ALDH7A1: variants seen among roughly 807,000 people sequenced by gnomAD.
The protein encoded by ALDH7A1 is alpha-aminoadipic semialdehyde dehydrogenase.
Under a neutral mutation model 79.9 loss-of-function variants are expected in ALDH7A1, and 63 were observed. The observed-to-expected ratio is 0.79, with a 90% CI of 0.64 to 0.97. The LOEUF is 0.97. Ranked by LOEUF, ALDH7A1 falls within the 50% of genes least tolerant of loss-of-function variation. The probability of loss-of-function intolerance (pLI) is 0.00; values close to 1 mark genes in which losing one functional copy is unlikely to be tolerated. For missense variants in ALDH7A1, 627 were observed against 665.2 expected, an observed-to-expected ratio of 0.94 and a Z score of 0.63; for synonymous variants, 240 against 231.2, an observed-to-expected ratio of 1.04 and a Z score of -0.34.
At chr5:126,573,089 CA>C (rs1750831665) in intron 7 of ALDH7A1, among the ~76,000 whole-genome samples, 2 of 118,198 alleles carry the variant, frequency 1.7e-5, no homozygotes, top group Non-Finnish European at 3.3e-5. Context: ...CTTACATGAA[CA>C]TTTCAAATTC....
intron 7 of ALDH7A1, among the ~76,000 whole-genome samples, chr5:126,575,163 T>C (rs1750923398): frequency 6.6e-6 from 1 of 152,242 alleles, no homozygotes; most frequent in African/African-American, 2.4e-5. Context: ...AAGATGCTTT[T>C]ATTTTCCAAG....
intron 9 of ALDH7A1, among the ~76,000 whole-genome samples, chr5:126,565,634 A>G (rs1348968538): frequency 6.6e-6 from 1 of 152,098 alleles, no homozygotes; most frequent in Non-Finnish European, 1.5e-5. Flanking sequence ...TTGTCTTTTA[A>G]TTGTTGTTGC....
chr5:126,565,915 A>G (rs2112778610), intron 9 of ALDH7A1, among the ~76,000 whole-genome samples: 1 of 152,348 alleles, frequency 6.6e-6, no homozygotes, highest in South Asian at 2.1e-4. Context: ...TTATCTCTGG[A>G]CTTCCAATTC....
intron 9 of ALDH7A1, chr5:126,561,503 T>C (rs1561655771): frequency 1.3e-5 from 2 of 157,232 alleles, no homozygotes; most frequent in Non-Finnish European, 2.7e-5. Context: ...TGTGTGTGTG[T>C]GTGTGTGTGT....
In ALDH7A1 at chr5:126,583,844, A is replaced by T. The variant is rs970743324; in HGVS notation, c.393+88T>A. On this transcript the variant is annotated intron_variant, in intron 4 of 17. Coordinates refer to ENST00000409134, the MANE Select transcript of ALDH7A1 (RefSeq NM_001182.5). ...GACAGCAAGACTCCATCTCAAAAAA[A>T]AAAAACCTCACAATTTTATATATAG... The T allele has an allele frequency of 3.3e-6, 4 of 1,217,170 alleles. No homozygotes were observed. The African/African-American group carries it at 4.6e-5, about 14-fold the overall frequency. 75.4% of individuals were successfully genotyped at this position (1,217,170 alleles called of 1,614,324 possible). A position where few individuals can be genotyped will look rare whatever the true frequency, so the allele number is the denominator to read the frequency against.
intron 5 of ALDH7A1, among the ~76,000 whole-genome samples, chr5:126,580,955 G>C (rs1002382430): frequency 6.6e-6 from 1 of 152,032 alleles, no homozygotes; most frequent in Non-Finnish European, 1.5e-5. Flanking sequence ...CTCCCGAGTA[G>C]CTGGGATTAC....
At chr5:126,566,359 T>C (rs1222267830) in intron 9 of ALDH7A1, among the ~76,000 whole-genome samples, 1 of 152,224 alleles carries the variant, frequency 6.6e-6, no homozygotes, top group Non-Finnish European at 1.5e-5. Context: ...TGAATTGTTT[T>C]CTGGATTTCA....
At chr5:126,554,694 G>T (rs939178972) in intron 12 of ALDH7A1, 2 of 405,950 alleles carry the variant, frequency 4.9e-6, no homozygotes, top group African/African-American at 4.1e-5. Context: ...GCAGAGCCAA[G>T]TCTGTTTGCC....
At chr5:126,578,026 T>C (rs1463654635) in intron 5 of ALDH7A1, among the ~76,000 whole-genome samples, 1 of 151,138 alleles carries the variant, frequency 6.6e-6, no homozygotes, top group Non-Finnish European at 1.5e-5. Flanking sequence ...GGCTCACTCC[T>C]GTAATCCCAG....
chr5:126,594,114 A>G (rs763946523), intron 1 of ALDH7A1: 3 of 428,574 alleles, frequency 7.0e-6, no homozygotes, highest in South Asian at 1.7e-5. Context: ...TTACCTTTCC[A>G]TTGTATTCTA....
chr5:126,550,700 T>C (rs904330489), intron 14 of ALDH7A1, among the ~76,000 whole-genome samples: 2 of 152,156 alleles, frequency 1.3e-5, no homozygotes, highest in Non-Finnish European at 2.9e-5. Context: ...ACTAATTTGC[T>C]CAAGAGCTCA....
chr5:126,574,421 C>T (rs1314688783), intron 7 of ALDH7A1, among the ~76,000 whole-genome samples: 2 of 147,446 alleles, frequency 1.4e-5, no homozygotes, highest in Admixed American at 1.4e-4. Flanking sequence ...AATAGCCGGG[C>T]GTGGTGGCTC....
chr5:126,560,056 C>CA (rs1439985471), intron 10 of ALDH7A1, among the ~76,000 whole-genome samples: 1 of 152,078 alleles, frequency 6.6e-6, no homozygotes, highest in Non-Finnish European at 1.5e-5. Flanking sequence ...CTCAGCCTCC[C>CA]AGTGGGGACT....
Position 126,570,860 on chromosome 5 carries a change from C to A in ALDH7A1, c.696-1G>T, listed in dbSNP as rs780304828. On this transcript the variant is annotated splice_acceptor_variant, in intron 7 of 17. Transcript: ENST00000409134. LOFTEE classifies it high-confidence loss of function. Reference sequence around the variant, plus strand: ...GTCCTCCAGAACCTTGGCTATTATCCTAGAAAGGAAAAAGCAATTACTGAG... The same window carrying A: ...GTCCTCCAGAACCTTGGCTATTATCATAGAAAGGAAAAAGCAATTACTGAG... The A allele has an allele frequency of 6.2e-7, 1 of 1,613,698 alleles. No individual in the cohort carries two copies. Among genetic ancestry groups the A allele is most frequent in the Non-Finnish European group, 8.5e-7 (1 of 1,179,700 alleles).
chr5:126,595,142 A>G lies in ALDH7A1; in HGVS notation c.57T>C (p.Ser19=). 1 of 1,564,932 alleles carries G rather than the reference A, an allele frequency of 6.4e-7. No individual in the cohort carries two copies. Among genetic ancestry groups the G allele is most frequent in the East Asian group, 2.4e-5 (1 of 41,838 alleles). The change falls in exon 1 of 18, where the codon TCT becomes TCC. Residue 19 remains serine, a synonymous_variant. Coordinates refer to ENST00000409134, the MANE Select transcript of ALDH7A1 (RefSeq NM_001182.5). ...AGGCGGCAGGCCTGCTCCAAGGTCC[A>G]GAGAGCTTGCTGGTCTTTGCAGCGT... is the stretch of plus-strand genomic sequence containing the variant. ...CVHAAKTSKL[S]GPWSRPAAFM...
intron 9 of ALDH7A1, among the ~76,000 whole-genome samples, chr5:126,565,080 T>C (rs753020085): frequency 2.0e-5 from 3 of 152,192 alleles, no homozygotes; most frequent in Non-Finnish European, 2.9e-5. Flanking sequence ...AATCTTTTCA[T>C]GTGCTAATCG....
intron 10 of ALDH7A1, among the ~76,000 whole-genome samples, chr5:126,559,590 G>A (rs182700442): frequency 1.9e-4 from 29 of 152,026 alleles, no homozygotes; most frequent in Admixed American, 1.4e-3. Flanking sequence ...GTGCCACCAC[G>A]CTTGGCTAAT....
intron 10 of ALDH7A1, 24 bp from the exon 11 acceptor site, chr5:126,559,358 A>C (rs777203972): frequency 5.7e-6 from 9 of 1,571,202 alleles, no homozygotes; most frequent in Non-Finnish European, 7.9e-6. Flanking sequence ...AAACACTTCC[A>C]TCAGCGAACC....
At chr5:126,547,153 C>G (rs1749812003) in intron 16 of ALDH7A1, among the ~76,000 whole-genome samples, 2 of 152,228 alleles carry the variant, frequency 1.3e-5, no homozygotes, top group Non-Finnish European at 2.9e-5. Flanking sequence ...AGGCTGAGCA[C>G]CTGCCTGAGG....
Sources: gnomAD v4.1 joint callset for allele counts (sites outside exome capture counted in the v4.1 genomes callset) on GRCh38, gnomAD v4.1.1 for gene constraint, MANE v1.5 for transcripts, NCBI Gene and HGNC (gene_info 2026-07-23, HGNC 2026-07-21) for gene names.